Variants in FBRSL1 observed in about 807,000 individuals in gnomAD.
FBRSL1 encodes the protein fibrosin-1-like protein.
In FBRSL1, 51 loss-of-function variants were observed where a neutral mutation model predicts 89.6. That is an observed-to-expected ratio of 0.57 (90% CI 0.45 to 0.72). The LOEUF (loss-of-function observed/expected upper bound fraction) is 0.72, where lower values mean the gene tolerates loss of function less well. FBRSL1 is among the 30% of genes least tolerant of loss of function. The pLI, the probability that FBRSL1 is intolerant of heterozygous loss-of-function variation, is 0.00. For missense variants in FBRSL1, 1,618 were observed against 1,451.8 expected (o/e 1.11, Z -1.86); for synonymous variants, 779 against 681.1 (o/e 1.14, Z -2.24).
intron 4 of FBRSL1, among the ~76,000 whole-genome samples, chr12:132,544,345 A>G (rs2037505268): frequency 6.6e-6 from 1 of 152,138 alleles, no homozygotes; most frequent in Non-Finnish European, 1.5e-5. Context: ...AGCTCAGGAC[A>G]AGCAGAGAAG....
intron 5 of FBRSL1, among the ~76,000 whole-genome samples, chr12:132,560,472 G>A (rs1015830703): frequency 1.3e-5 from 2 of 152,008 alleles, no homozygotes; most frequent in Non-Finnish European, 2.9e-5. Context: ...GGGTCCGGGG[G>A]TGGAGGCGGG....
intron 1 of FBRSL1, among the ~76,000 whole-genome samples, chr12:132,493,749 G>T (rs1447301607): frequency 6.6e-6 from 1 of 152,220 alleles, no homozygotes; most frequent in Non-Finnish European, 1.5e-5. Context: ...GCCGTTCTGT[G>T]CCCGGGGCAG....
chr12:132,519,493 C>T (rs2035157743), intron 2 of FBRSL1, among the ~76,000 whole-genome samples: 3 of 152,236 alleles, frequency 2.0e-5, no homozygotes, highest in South Asian at 4.1e-4. Flanking sequence ...CTCTGAGAGT[C>T]GTTCTCCTTC....
Position 132,570,552 on chromosome 12 carries a change from G to C in FBRSL1, c.1213+12G>C. ...AGGACACCCGGCCGGTAGGTGTCTC[G>C]GCCACAATCTCGCCCAGGGCAGGGG... On this transcript the variant is annotated intron_variant, in intron 8 of 18. Coordinates refer to ENST00000680143, the MANE Select transcript of FBRSL1 (RefSeq NM_001367871.1). The C allele has an allele frequency of 6.7e-7, 1 of 1,494,960 alleles. No homozygotes were observed. The highest frequency in any genetic ancestry group is 2.5e-5 in the East Asian group (1 of 39,458). 92.6% of individuals were successfully genotyped at this position (1,494,960 alleles called of 1,614,324 possible). A position where few individuals can be genotyped will look rare whatever the true frequency, so the allele number is the denominator to read the frequency against.
intron 1 of FBRSL1, chr12:132,507,297 C>T: frequency 4.1e-6 from 4 of 985,610 alleles, no homozygotes; most frequent in Non-Finnish European, 4.8e-6. Context: ...GACGCTTCTC[C>T]CTGGCCGGCT....
chr12:132,580,743 G>A, intron 15 of FBRSL1: 2 of 984,792 alleles, frequency 2.0e-6, no homozygotes, highest in South Asian at 4.7e-5. Context: ...TAAGATTAGG[G>A]CTGGGAGGGA....
chr12:132,556,262 C>T (rs1381161026), intron 5 of FBRSL1, among the ~76,000 whole-genome samples: 1 of 152,182 alleles, frequency 6.6e-6, no homozygotes, highest in Non-Finnish European at 1.5e-5. Context: ...GGGGTCTGGC[C>T]TACCCCTCAC....
intron 2 of FBRSL1, among the ~76,000 whole-genome samples, chr12:132,517,012 G>A (rs558212701): frequency 2.6e-5 from 4 of 152,290 alleles, no homozygotes; most frequent in Admixed American, 6.5e-5. Context: ...AATTTCTCCC[G>A]CCTCCTGGGC....
intron 17 of FBRSL1, 101 bp downstream of exon 17, chr12:132,581,925 C>G (rs1016464851): frequency 5.2e-6 from 7 of 1,339,262 alleles, no homozygotes; most frequent in African/African-American, 1.5e-5. Flanking sequence ...CCTCCCTCCT[C>G]TCTGGGCTGG....
intron 5 of FBRSL1, chr12:132,551,866 T>G (rs1464917670): frequency 3.4e-6 from 1 of 296,824 alleles, no homozygotes; most frequent in East Asian, 8.2e-5. Flanking sequence ...GATATGGGAC[T>G]CCATAGGCAG....
intron 2 of FBRSL1, chr12:132,510,737 C>T (rs1258708577): frequency 7.2e-5 from 87 of 1,202,308 alleles, no homozygotes; most frequent in East Asian, 1.0e-4. Flanking sequence ...CCCCCACTGG[C>T]GTCACAGTGC....
chr12:132,574,596 G>A (rs1169564331), intron 14 of FBRSL1, 32 bp downstream of exon 14: 18 of 1,542,176 alleles, frequency 1.2e-5, no homozygotes, highest in South Asian at 2.4e-5. Flanking sequence ...CAGGGCGCTT[G>A]TGAACCCGAC....
chr12:132,583,000 G>C lies in FBRSL1; in HGVS notation c.2231G>C (p.Ser744Thr), dbSNP rs1257916984. 1 of 1,452,816 alleles carries C rather than the reference G, an allele frequency of 6.9e-7. No individual in the cohort carries two copies. The highest frequency in any genetic ancestry group is 9.0e-7 in the Non-Finnish European group (1 of 1,110,112). 90.0% of individuals were successfully genotyped at this position (1,452,816 alleles called of 1,614,324 possible). A position where few individuals can be genotyped will look rare whatever the true frequency, so the allele number is the denominator to read the frequency against. Residue 744 changes from serine (S) to threonine (T), a missense_variant, in exon 19 of 19, where the codon AGC becomes ACC. Physicochemically the swap from Ser to Thr is moderately conservative, Grantham distance 58. Transcript: ENST00000680143. ...RDLLEKTRLL[S>T]RASPATPAGH... The stretch of plus-strand genomic sequence containing the variant: ...CTCCTGGAGAAGACGCGCCTGCTGA[G>C]CCGGGCCTCGCCCGCCACCCCCGCT...
intron 2 of FBRSL1, among the ~76,000 whole-genome samples, chr12:132,523,552 C>T (rs553722951): frequency 5.8e-4 from 88 of 152,274 alleles, no homozygotes; most frequent in African/African-American, 1.9e-3. Flanking sequence ...CACGGCTCAG[C>T]TGTGTGGGTG....
chr12:132,491,213 G>T (rs949096299), intron 1 of FBRSL1, among the ~76,000 whole-genome samples: 9 of 152,230 alleles, frequency 5.9e-5, no homozygotes, highest in Admixed American at 6.5e-5. Context: ...ACGTGCTAGG[G>T]AGCAGTGCTG....
At chr12:132,515,670 AGGG>A (rs1458074541) in intron 2 of FBRSL1, among the ~76,000 whole-genome samples, 1 of 152,016 alleles carries the variant, frequency 6.6e-6, no homozygotes, top group Non-Finnish European at 1.5e-5. Context: ...GACCCCAAGG[AGGG>A]TGGATCACTT....
Position 132,548,036 on chromosome 12 carries a change from A to G in FBRSL1, c.645+4A>G. 6.5e-7 allele frequency: 1 copy of G among 1,550,132 alleles called. No individual in the cohort carries two copies. The highest frequency in any genetic ancestry group is 8.7e-7 in the Non-Finnish European group (1 of 1,146,662). On this transcript the variant is annotated splice_donor_region_variant and intron_variant, in intron 5 of 18. Transcript: ENST00000680143. ...CGAGAGCGGCCCGGACGACAAGGTA[A>G]GCCCAGCGTCCTCCTCCTGGGCTCG...
intron 1 of FBRSL1, among the ~76,000 whole-genome samples, chr12:132,491,874 G>A (rs2136293660): frequency 6.6e-6 from 1 of 152,376 alleles, no homozygotes; most frequent in East Asian, 1.9e-4. Flanking sequence ...AGTCAGAGCT[G>A]GGGCTTCGTG....
In FBRSL1 at chr12:132,551,460, C is replaced by T. The variant is rs761600381; in HGVS notation, c.645+3428C>T. On this transcript the variant is annotated intron_variant, in intron 5 of 18. Coordinates refer to ENST00000680143, the MANE Select transcript of FBRSL1 (RefSeq NM_001367871.1). The stretch of plus-strand genomic sequence containing the variant: ...GCGGATGCCGGGGCAGGTGGCAGTG[C>T]ACCCCGAGGAAGCCTTCTGGACGGA... 69 of 456,204 alleles carry T rather than the reference C, an allele frequency of 1.5e-4. 1 individual carries two copies. Among genetic ancestry groups the T allele is most frequent in the Middle Eastern group, 3.2e-4 (1 of 3,098 alleles). 28.3% of individuals were successfully genotyped at this position (456,204 alleles called of 1,614,324 possible). A position where few individuals can be genotyped will look rare whatever the true frequency, so the allele number is the denominator to read the frequency against.
Sources: allele counts gnomAD v4.1 joint callset (sites outside exome capture counted in the v4.1 genomes callset), GRCh38; gene constraint gnomAD v4.1.1; transcripts MANE v1.5; gene names NCBI Gene and HGNC (gene_info 2026-07-23, HGNC 2026-07-21).